Variants in SMC1B observed in about 807,000 individuals in gnomAD.
SMC1B encodes the protein structural maintenance of chromosomes protein 1B.
In SMC1B, 60 loss-of-function variants were observed where a neutral mutation model predicts 157.9. That is an observed-to-expected ratio of 0.38 (90% CI 0.31 to 0.47). The LOEUF (loss-of-function observed/expected upper bound fraction) is 0.47. Ranked by LOEUF, SMC1B falls within the 20% of genes least tolerant of loss-of-function variation. The pLI is 0.99. For synonymous variants in SMC1B, 445 were observed against 483.0 expected (o/e 0.92, Z 1.03); for missense variants, 1,165 against 1,426.2 (o/e 0.82, Z 2.95).
In SMC1B at chr22:45,394,622, G is replaced by T. The variant is rs141127705; in HGVS notation, c.1337+63C>A. On this transcript the variant is annotated intron_variant, in intron 8 of 24. Transcript: ENST00000357450. ...CTGCACTCTGGCCTGGGCGATGGGA[G>T]TGAGACCCTCTCTCAAAAAATAAAA... 1,057 of 1,433,828 alleles carry T rather than the reference G, an allele frequency of 7.4e-4. 5 individuals carry two copies. The African/African-American group carries it at 0.013, about 18-fold the overall frequency. 88.8% of individuals were successfully genotyped at this position (1,433,828 alleles called of 1,614,324 possible).
Position 45,349,810 on chromosome 22 carries a change from T to C in SMC1B, c.3426-13A>G, listed in dbSNP as rs200776766. On this transcript the variant is annotated splice_polypyrimidine_tract_variant and intron_variant, in intron 22 of 24. Coordinates refer to ENST00000357450, the MANE Select transcript of SMC1B (RefSeq NM_148674.5). The stretch of plus-strand genomic sequence containing the variant: ...GGCAGGACGAAAACTAGAAAAAAAT[T>C]ACAATCAAGTAAGTTACAATTTTCT... The C allele has an allele frequency of 7.3e-4, 1,169 of 1,590,522 alleles. No homozygotes were observed. The highest frequency in any genetic ancestry group is 8.6e-4 in the Non-Finnish European group (997 of 1,165,178).
chr22:45,378,037 G>T (rs1012274677), intron 12 of SMC1B, among the ~76,000 whole-genome samples: 2 of 151,944 alleles, frequency 1.3e-5, no homozygotes, highest in Non-Finnish European at 2.9e-5. Context: ...GTAGAGAAGA[G>T]GTCTCACTAT....
chr22:45,372,080 G>T, intron 13 of SMC1B, 75 bp downstream of exon 13: 1 of 1,250,492 alleles, frequency 8.0e-7, no homozygotes, highest in Non-Finnish European at 1.1e-6. Context: ...ATTACATGGA[G>T]CTATATAAAT....
intron 23 of SMC1B, among the ~76,000 whole-genome samples, chr22:45,348,924 A>G (rs2086579915): frequency 6.6e-6 from 1 of 151,786 alleles, no homozygotes; most frequent in Middle Eastern, 3.4e-3. Flanking sequence ...GGCTGGTCTC[A>G]AACTCTTGGA....
intron 12 of SMC1B, among the ~76,000 whole-genome samples, chr22:45,382,792 G>C (rs1356327962): frequency 6.6e-6 from 1 of 152,110 alleles, no homozygotes; most frequent in African/African-American, 2.4e-5. Flanking sequence ...AAATTACAGA[G>C]GACCATTAAA....
intron 19 of SMC1B, among the ~76,000 whole-genome samples, chr22:45,357,284 A>C (rs1024235650): frequency 9.8e-5 from 15 of 152,374 alleles, no homozygotes; most frequent in Middle Eastern, 3.4e-3. Context: ...TTCAGAATGA[A>C]GCCAACACCC....
chr22:45,393,024 T>A (rs2087079965), intron 9 of SMC1B, among the ~76,000 whole-genome samples: 1 of 152,120 alleles, frequency 6.6e-6, no homozygotes, highest in Admixed American at 6.5e-5. Context: ...AACAGAGCAG[T>A]GGTTACCAGT....
chr22:45,387,205 T>C (rs2086998679), intron 10 of SMC1B, among the ~76,000 whole-genome samples, 159 bp from the exon 11 acceptor site: 1 of 152,228 alleles, frequency 6.6e-6, no homozygotes, highest in Admixed American at 6.5e-5. Context: ...CCCAGAATTT[T>C]GGGAGGCTGA....
intron 7 of SMC1B, 56 bp from the exon 8 acceptor site, chr22:45,394,823 T>A: frequency 7.0e-7 from 1 of 1,434,288 alleles, no homozygotes; most frequent in Non-Finnish European, 9.2e-7. Flanking sequence ...CCAACAAAAT[T>A]ACATGCCTAG....
chr22:45,396,707 C>T (rs2087128762), intron 6 of SMC1B, among the ~76,000 whole-genome samples: 1 of 151,410 alleles, frequency 6.6e-6, no homozygotes, highest in Admixed American at 6.6e-5. Flanking sequence ...ATATTTGAAA[C>T]TTATTTATTT....
chr22:45,386,715 A>T, intron 11 of SMC1B, 152 bp downstream of exon 11: 2 of 533,722 alleles, frequency 3.7e-6, no homozygotes, highest in Non-Finnish European at 6.2e-6. Flanking sequence ...AAAACCACTG[A>T]AGCCATAACC....
chr22:45,354,154 TTA>T (rs775915396), intron 20 of SMC1B, 22 bp from the exon 21 acceptor site: 1 of 1,516,182 alleles, frequency 6.6e-7, no homozygotes, highest in South Asian at 1.3e-5. Flanking sequence ...TCAATGTTCT[TTA>T]TTTTAGAGAC....
At chr22:45,391,941 C>T (rs1602084900) in intron 9 of SMC1B, among the ~76,000 whole-genome samples, 2 of 152,098 alleles carry the variant, frequency 1.3e-5, no homozygotes, top group Middle Eastern at 6.8e-3. Context: ...TTCACATTCC[C>T]CAATTCACCA....
intron 7 of SMC1B, among the ~76,000 whole-genome samples, chr22:45,395,858 A>G (rs913289390): frequency 5.3e-5 from 8 of 152,242 alleles, no homozygotes; most frequent in African/African-American, 1.9e-4. Context: ...ACTCCGTATC[A>G]AATAATAATA....
chr22:45,383,573 A>C lies in SMC1B; in HGVS notation c.1952T>G (p.Val651Gly). Residue 651 changes from valine to glycine, a missense_variant, in exon 12 of 25, where the codon GTG becomes GGG. Coordinates refer to ENST00000357450, the MANE Select transcript of SMC1B (RefSeq NM_148674.5). ...LDGTLFLKSG[V>G]ISGGSSDLKY... ...TAAGTCACTTGACCCTCCAGAGATC[A>C]CTCCAGATTTTAAAAATAATGTTCC... 6.2e-7 allele frequency: 1 copy of C among 1,601,688 alleles called. No individual in the cohort carries two copies. Among genetic ancestry groups the C allele is most frequent in the Non-Finnish European group, 8.5e-7 (1 of 1,176,744 alleles).
Position 45,371,458 on chromosome 22 carries a change from T to C in SMC1B, c.2313+13A>G. On this transcript the variant is annotated intron_variant, in intron 14 of 24. Transcript: ENST00000357450. ...TACATATACCATTTAGGAATAAATA[T>C]AACATTCATGACCTTATCTATCTTT... is the stretch of plus-strand genomic sequence containing the variant. The C allele has an allele frequency of 6.3e-7, 1 of 1,575,030 alleles. No homozygotes were observed. The highest frequency in any genetic ancestry group is 8.6e-7 in the Non-Finnish European group (1 of 1,165,864).
chr22:45,387,347 G>A (rs1170543172), intron 10 of SMC1B, among the ~76,000 whole-genome samples: 4 of 152,180 alleles, frequency 2.6e-5, no homozygotes, highest in African/African-American at 7.2e-5. Context: ...CTACTCAGGA[G>A]GCTGAGGCAG....
At chr22:45,358,642 G>A in intron 19 of SMC1B, 55 bp downstream of exon 19, 1 of 1,068,444 alleles carries the variant, frequency 9.4e-7, no homozygotes, top group Non-Finnish European at 1.4e-6. Flanking sequence ...GATTCGGTAA[G>A]ATTTAAATAT....
At chr22:45,400,286 C>T (rs1003617432) in intron 5 of SMC1B, among the ~76,000 whole-genome samples, 8 of 151,944 alleles carry the variant, frequency 5.3e-5, no homozygotes, top group African/African-American at 1.7e-4. Flanking sequence ...GATGCTTGGA[C>T]TGGCTTATAC....
Sources: gnomAD v4.1 joint callset for allele counts (sites outside exome capture counted in the v4.1 genomes callset) on GRCh38, gnomAD v4.1.1 for gene constraint, MANE v1.5 for transcripts, NCBI Gene and HGNC (gene_info 2026-07-23, HGNC 2026-07-21) for gene names.